Variants in SLC39A14 observed in about 807,000 individuals in gnomAD.
SLC39A14 encodes the protein solute carrier family 39 member 14.
SLC39A14 carries 19 observed loss-of-function variants against 45.5 expected under a neutral mutation model. The observed-to-expected ratio is 0.42, with a 90% CI of 0.29 to 0.61. The LOEUF (loss-of-function observed/expected upper bound fraction) is 0.61. SLC39A14 is among the 20% of genes least tolerant of loss of function. SLC39A14 has a pLI of 0.22. For synonymous variants in SLC39A14, 264 were observed against 251.3 expected, an observed-to-expected ratio of 1.05 and a Z score of -0.48; for missense variants, 447 against 616.5, an observed-to-expected ratio of 0.73 and a Z score of 2.91.
intron 2 of SLC39A14, 34 bp downstream of exon 2, chr8:22,405,014 A>T (rs370541375): frequency 1.3e-6 from 2 of 1,596,400 alleles, no homozygotes; most frequent in African/African-American, 2.7e-5. Flanking sequence ...AGCTCTGCTC[A>T]GCCCCGTCTC....
chr8:22,415,044 T>A, intron 5 of SLC39A14, 142 bp downstream of exon 5: 1 of 1,012,846 alleles, frequency 9.9e-7, no homozygotes, highest in Non-Finnish European at 1.4e-6. Context: ...GAGGAGACAA[T>A]CCCATTTCAC....
At chr8:22,403,718 A>G (rs1835023843) in intron 1 of SLC39A14, among the ~76,000 whole-genome samples, 1 of 151,516 alleles carries the variant, frequency 6.6e-6, no homozygotes, top group Non-Finnish European at 1.5e-5. Context: ...CAGGAGTTTG[A>G]GACGAGCGGG....
chr8:22,419,841 C>T lies in SLC39A14; in HGVS notation c.*143C>T. On this transcript the variant is annotated 3_prime_UTR_variant, in exon 9 of 9. Transcript: ENST00000381237. The stretch of plus-strand genomic sequence containing the variant: ...AGACTGTATTCCTGCATTCAAATGT[C>T]AGCCGTTTGTAAAATGCTGTATCCT... 7.3e-7 allele frequency: 1 copy of T among 1,374,424 alleles called. No individual in the cohort carries two copies. The highest frequency in any genetic ancestry group is 9.4e-7 in the Non-Finnish European group (1 of 1,066,836). The allele number at this position is 1,374,424 out of a possible 1,614,324, so 85.1% of individuals were successfully genotyped here. A position where few individuals can be genotyped will look rare whatever the true frequency, so the allele number is the denominator to read the frequency against.
rs750370995 is a variant in SLC39A14, at chr8:22,404,760, C to A, written c.50C>A (p.Thr17Asn). ...GCCTTCCAGAGCTGCCTCCTGCTGA[C>A]CCTGCTTGGCTTATGGAGAACCACC... ...HPAFQSCLLL[T>N]LLGLWRTTPE... The change falls in exon 2 of 9, where the codon ACC (threonine) becomes AAC (asparagine). Residue 17 changes from threonine (T) to asparagine (N), a missense_variant. Thr to Asn is a moderately conservative substitution (Grantham distance 65). Around this residue, in one of 2 missense-constraint regions of SLC39A14, gnomAD observed 342 missense variants for 428.1 expected, o/e 0.80. Transcript: ENST00000381237. The A allele has an allele frequency of 3.1e-6, 5 of 1,613,856 alleles. No homozygotes were observed. The highest frequency in any genetic ancestry group is 2.2e-5 in the East Asian group (1 of 44,884).
Position 22,415,885 on chromosome 8 carries a change from C to G in SLC39A14, c.867C>G (p.His289Gln). The G allele has an allele frequency of 6.2e-7, 1 of 1,613,084 alleles. No individual in the cohort carries two copies. Among genetic ancestry groups the G allele is most frequent in the South Asian group, 1.1e-5 (1 of 90,962 alleles). ...NGDLDHMIPQ[H>Q]CSSELDGKAP... ...ACCTGGACCACATGATTCCTCAGCA[C>G]TGCAGCAGTGAGCTGGACGGCAAGG... Residue 289 changes from histidine to glutamine, a missense_variant, in exon 6 of 9, where the codon CAC becomes CAG. Transcript: ENST00000381237.
chr8:22,433,984 C>A, exon 9 of SLC39A14: 1 of 416,494 alleles, frequency 2.4e-6, no homozygotes. Flanking sequence ...ATTATCCTGT[C>A]TAAGCCTCCC....
At chr8:22,378,611 C>G (rs1206368438) in intron 1 of SLC39A14, among the ~76,000 whole-genome samples, 2 of 152,254 alleles carry the variant, frequency 1.3e-5, no homozygotes, top group African/African-American at 4.8e-5. Context: ...GCTCATGCTT[C>G]AGCTCTTTTT....
rs991578096 is a variant in SLC39A14, at chr8:22,420,772, T to C, written c.*1074T>C. On this transcript the variant is annotated 3_prime_UTR_variant, in exon 9 of 9. Transcript: ENST00000381237. ...CTTCCATAAATCAAAGCATGACTAA[T>C]AGGGGGTCTCTGAAATGTAAGGGCA... 3 of 985,242 alleles carry C rather than the reference T, an allele frequency of 3.0e-6. No homozygotes were observed. The highest frequency in any genetic ancestry group is 1.7e-5 in the African/African-American group (1 of 57,210). The allele number at this position is 985,242 out of a possible 1,614,324, so 61.0% of individuals were successfully genotyped here.
chr8:22,416,729 G>A lies in SLC39A14; in HGVS notation c.1147+449G>A, dbSNP rs552187769. Among the ~76,000 whole-genome samples the A allele has an allele frequency of 7.4e-4, 113 of 152,016 alleles. 2 individuals are homozygous for A. Among genetic ancestry groups the A allele is most frequent in the Non-Finnish European group, 2.8e-4 (19 of 67,986 alleles). On this transcript the variant is annotated intron_variant, in intron 7 of 8. Transcript: ENST00000381237. The stretch of plus-strand genomic sequence containing the variant: ...GGATTACAGGCTTGAGCCACCGAAC[G>A]TGGCCTAACCACCATTTCTTAACGA...
At chr8:22,410,780 T>G (rs1465277339) in intron 3 of SLC39A14, among the ~76,000 whole-genome samples, 3 of 152,220 alleles carry the variant, frequency 2.0e-5, no homozygotes, top group African/African-American at 7.2e-5. Context: ...TTTTGTTGTT[T>G]AATTGTTATC....
chr8:22,425,566 C>A (rs557173224), downstream of SLC39A14, among the ~76,000 whole-genome samples: 2 of 150,252 alleles, frequency 1.3e-5, no homozygotes, highest in Non-Finnish European at 2.9e-5. Context: ...GAAAAAAAAT[C>A]AGTGGTTGGG....
chr8:22,427,000 T>C (rs1042452419), downstream of SLC39A14, among the ~76,000 whole-genome samples: 1 of 151,338 alleles, frequency 6.6e-6, no homozygotes, highest in Non-Finnish European at 1.5e-5. Flanking sequence ...TCTTAAAATA[T>C]GGTTTGTTGG....
intron 1 of SLC39A14, among the ~76,000 whole-genome samples, chr8:22,404,359 G>A (rs977370019): frequency 2.0e-5 from 3 of 151,276 alleles, no homozygotes; most frequent in Non-Finnish European, 4.4e-5. Context: ...CCCAGGAGGC[G>A]GAGGTTGCAG....
intron 1 of SLC39A14, among the ~76,000 whole-genome samples, chr8:22,373,261 CAAA>C (rs11332395): frequency 1.6e-5 from 2 of 127,354 alleles, no homozygotes; most frequent in Non-Finnish European, 3.5e-5. Context: ...GACTCCATCT[CAAA>C]AAAAAAAAAA....
intron 1 of SLC39A14, among the ~76,000 whole-genome samples, chr8:22,384,771 C>T (rs1450722258): frequency 5.0e-5 from 7 of 139,842 alleles, no homozygotes; most frequent in Admixed American, 1.5e-4. Context: ...AAATCTTGGC[C>T]GGGCACGGTG....
intron 3 of SLC39A14, among the ~76,000 whole-genome samples, chr8:22,409,672 G>A (rs1213980259): frequency 2.0e-5 from 3 of 152,120 alleles, no homozygotes; most frequent in African/African-American, 7.2e-5. Context: ...TTGCGCCACC[G>A]CACCTGGCCT....
chr8:22,412,119 G>T lies in SLC39A14; in HGVS notation c.540G>T (p.Lys180Asn). The change falls in exon 4 of 9, where the codon AAG becomes AAT. Residue 180 changes from lysine to asparagine, a missense_variant. Physicochemically the swap from Lys to Asn is moderately conservative, Grantham distance 94 (BLOSUM62 0). Around this residue, in one of 2 missense-constraint regions of SLC39A14, gnomAD observed 342 missense variants for 428.1 expected, o/e 0.80. Transcript: ENST00000381237. Reference sequence around the variant, plus strand: ...CCAGCGTGGTGCCCTTCATGAAGAAGACCTTTTACAAGAGGCTGCTGCTCT... The same window carrying T: ...CCAGCGTGGTGCCCTTCATGAAGAATACCTTTTACAAGAGGCTGCTGCTCT... Reference protein sequence around the residue: ...LGASVVPFMKKTFYKRLLLYF... With the variant: ...LGASVVPFMKNTFYKRLLLYF... The T allele has an allele frequency of 6.4e-7, 1 of 1,551,702 alleles. No individual in the cohort carries two copies. The highest frequency in any genetic ancestry group is 8.7e-7 in the Non-Finnish European group (1 of 1,147,008).
Position 22,419,711 on chromosome 8 carries a change from A to AG in SLC39A14, c.*14dup. Reference sequence around the variant, plus strand: ...CCAGATTGGGTAGGGCTCTGCCAAGAGCCTGTGGGACTGGAAGTCGGGCCC... The same window carrying AG: ...CCAGATTGGGTAGGGCTCTGCCAAGAGGCCTGTGGGACTGGAAGTCGGGCCC... On this transcript the variant is annotated 3_prime_UTR_variant, in exon 9 of 9. Transcript: ENST00000381237. 1 of 1,574,120 alleles carries AG rather than the reference A, an allele frequency of 6.4e-7. No homozygotes were observed. Among genetic ancestry groups the AG allele is most frequent in the Non-Finnish European group, 8.6e-7 (1 of 1,160,392 alleles).
At chr8:22,391,062 C>A (rs1051716993) in intron 1 of SLC39A14, among the ~76,000 whole-genome samples, 1 of 152,172 alleles carries the variant, frequency 6.6e-6, no homozygotes, top group African/African-American at 2.4e-5. Context: ...AGCTCTGCAA[C>A]GTGATCTTTG....
Sources: allele counts gnomAD v4.1 joint callset (sites outside exome capture counted in the v4.1 genomes callset), GRCh38; gene constraint gnomAD v4.1.1; regional missense constraint gnomAD v4.1.1; transcripts MANE v1.5; gene names NCBI Gene and HGNC (gene_info 2026-07-23, HGNC 2026-07-21).